MEI4: variants seen among roughly 807,000 people sequenced by gnomAD.
MEI4 encodes the protein meiosis-specific protein MEI4.
Under a neutral mutation model 31.4 loss-of-function variants are expected in MEI4, and 27 were observed. The ratio of observed to expected loss-of-function variants is 0.86; its 90% CI spans 0.63 to 1.19. The LOEUF (loss-of-function observed/expected upper bound fraction) is 1.19, where lower values mean the gene tolerates loss of function less well. Among genes scored for constraint, MEI4 ranks in the 50% most tolerant of loss-of-function variants. MEI4 has a pLI of 0.00. For missense variants in MEI4, 329 were observed against 398.9 expected, an observed-to-expected ratio of 0.82 and a Z score of 1.49; for synonymous variants, 122 against 145.4, an observed-to-expected ratio of 0.84 and a Z score of 1.16.
chr6:77,746,637 GC>G lies in MEI4; in HGVS notation c.233-14492del, dbSNP rs1304168587. On this transcript the variant is annotated intron_variant, in intron 2 of 4. Transcript: ENST00000684080. ...TTAAGTCAGTTTCTTAAAATATATG[GC>G]GTGTGTGTGTGTGTGTGTGTGTGTG... 1.4e-4 allele frequency among the ~76,000 whole-genome samples: 9 copies of G among 63,896 alleles called. No individual in the cohort carries two copies. In the South Asian group the frequency reaches 3.5e-3, roughly 25 times the overall value. 41.9% of individuals were successfully genotyped at this position (63,896 alleles called of 152,430 possible).
At chr6:77,764,140 A>G (rs188926074) in intron 3 of MEI4, among the ~76,000 whole-genome samples, 3 of 152,150 alleles carry the variant, frequency 2.0e-5, no homozygotes, top group East Asian at 1.9e-4. Context: ...TGCTGATTCA[A>G]TCCCCTTATT....
chr6:77,863,061 A>G (rs1408372950), intron 4 of MEI4, among the ~76,000 whole-genome samples: 1 of 151,284 alleles, frequency 6.6e-6, no homozygotes, highest in Non-Finnish European at 1.5e-5. Context: ...CATCCACACC[A>G]AAACCCCATC....
chr6:77,880,015 G>GA (rs925999290), intron 4 of MEI4, among the ~76,000 whole-genome samples: 3 of 152,262 alleles, frequency 2.0e-5, no homozygotes, highest in African/African-American at 7.2e-5. Flanking sequence ...ATGAAAAACA[G>GA]AAAAGTCACT....
intron 3 of MEI4, among the ~76,000 whole-genome samples, chr6:77,789,013 G>A (rs1464847713): frequency 6.6e-6 from 1 of 152,130 alleles, no homozygotes; most frequent in Non-Finnish European, 1.5e-5. Flanking sequence ...ATACTACAAG[G>A]CTACAGTAAC....
chr6:77,867,952 C>A (rs936807706), intron 4 of MEI4, among the ~76,000 whole-genome samples: 1 of 151,762 alleles, frequency 6.6e-6, no homozygotes, highest in Non-Finnish European at 1.5e-5. Context: ...TCATTCTCAG[C>A]AAACTATTGC....
chr6:77,778,730 TAAATAAA>T (rs1768522663), intron 3 of MEI4, among the ~76,000 whole-genome samples: 2 of 151,040 alleles, frequency 1.3e-5, no homozygotes, highest in Admixed American at 1.3e-4. Context: ...AATAAATAAA[TAAATAAA>T]TAAATAAATA....
intron 3 of MEI4, among the ~76,000 whole-genome samples, chr6:77,766,965 T>C (rs1317014358): frequency 2.0e-5 from 3 of 152,192 alleles, no homozygotes; most frequent in Non-Finnish European, 4.4e-5. Flanking sequence ...GTGTTTGAGA[T>C]TTTTTATGTT....
intron 3 of MEI4, among the ~76,000 whole-genome samples, chr6:77,772,733 G>A (rs1293541233): frequency 6.6e-6 from 1 of 151,908 alleles, no homozygotes; most frequent in East Asian, 1.9e-4. Flanking sequence ...GAAATAAAGT[G>A]CATTCAGATT....
At chr6:77,727,641 T>C (rs1766861547) in intron 2 of MEI4, among the ~76,000 whole-genome samples, 1 of 152,240 alleles carries the variant, frequency 6.6e-6, no homozygotes, top group Non-Finnish European at 1.5e-5. Flanking sequence ...AGTAAGGTTT[T>C]AGAAAATAAA....
chr6:77,863,181 C>T (rs1376431405), intron 4 of MEI4, among the ~76,000 whole-genome samples: 5 of 152,142 alleles, frequency 3.3e-5, no homozygotes, highest in South Asian at 2.1e-4. Context: ...GAGCACCTCT[C>T]CTCCTCCAAA....
chr6:77,695,651 G>A (rs991228507), intron 2 of MEI4, among the ~76,000 whole-genome samples: 23 of 152,298 alleles, frequency 1.5e-4, no homozygotes, highest in African/African-American at 5.3e-4. Flanking sequence ...GTACCATGCT[G>A]TTTTGGTTAC....
intron 1 of MEI4, among the ~76,000 whole-genome samples, chr6:77,658,131 G>A (rs1264319028): frequency 6.6e-6 from 1 of 152,208 alleles, no homozygotes; most frequent in African/African-American, 2.4e-5. Flanking sequence ...TCAGCGAAGG[G>A]TGGTGGATTA....
At chr6:77,853,586 G>C (rs1451084821) in intron 4 of MEI4, among the ~76,000 whole-genome samples, 1 of 152,178 alleles carries the variant, frequency 6.6e-6, no homozygotes, top group Non-Finnish European at 1.5e-5. Context: ...GTGCATCAGG[G>C]TGCTTTGAAA....
intron 3 of MEI4, among the ~76,000 whole-genome samples, chr6:77,828,086 T>C (rs1220379869): frequency 1.3e-5 from 2 of 152,156 alleles, no homozygotes; most frequent in Non-Finnish European, 2.9e-5. Context: ...ATTTCACTTA[T>C]TGAGCACTTA....
At chr6:77,922,568 C>T (rs142938838) in intron 4 of MEI4, among the ~76,000 whole-genome samples, 1 of 151,790 alleles carries the variant, frequency 6.6e-6, no homozygotes, top group African/African-American at 2.4e-5. Context: ...AAAAGTTCTA[C>T]AAGATGCATC....
At chr6:77,754,384 A>G (rs900078181) in intron 2 of MEI4, among the ~76,000 whole-genome samples, 3 of 152,162 alleles carry the variant, frequency 2.0e-5, no homozygotes, top group Non-Finnish European at 4.4e-5. Flanking sequence ...TCCAGTTCCC[A>G]ATAAGTTCCT....
At chr6:77,807,112 T>C (rs988217232) in intron 3 of MEI4, among the ~76,000 whole-genome samples, 1 of 151,722 alleles carries the variant, frequency 6.6e-6, no homozygotes, top group Non-Finnish European at 1.5e-5. Context: ...CTTCTTGACA[T>C]ATGCTATTTC....
At chr6:77,691,007 C>T in intron 2 of MEI4, 104 bp downstream of exon 2, 2 of 547,922 alleles carry the variant, frequency 3.7e-6, no homozygotes, top group Non-Finnish European at 5.5e-6. Context: ...TTTTAGTTTC[C>T]ATGAAAGCTC....
chr6:77,922,806 C>T lies in MEI4; in HGVS notation c.901-283C>T, dbSNP rs142465809. On this transcript the variant is annotated intron_variant, in intron 4 of 4. Transcript: ENST00000684080. ...GCCAAGTCACTGTTAAGACCCCTTG[C>T]CAAGTATTCTCAGATTCATTTGAGT... Among the ~76,000 whole-genome samples the T allele has an allele frequency of 3.6e-3, 542 of 151,740 alleles. 4 individuals carry two copies. The highest frequency in any genetic ancestry group is 0.013 in the African/African-American group (526 of 41,458).
Sources: gnomAD v4.1 joint callset for allele counts (sites outside exome capture counted in the v4.1 genomes callset) on GRCh38, gnomAD v4.1.1 for gene constraint, MANE v1.5 for transcripts, NCBI Gene and HGNC (gene_info 2026-07-23, HGNC 2026-07-21) for gene names.